The following IRAK1BP1 variants were observed in gnomAD, a reference collection of about 807,000 sequenced individuals.
IRAK1BP1 encodes interleukin-1 receptor-associated kinase 1-binding protein 1.
In IRAK1BP1, 24 loss-of-function variants were observed where a neutral mutation model predicts 28.0. That is an observed-to-expected ratio of 0.86 (90% CI 0.62 to 1.20). The LOEUF is 1.20. Ranked by LOEUF, IRAK1BP1 falls within the 50% of genes most tolerant of loss-of-function variation. IRAK1BP1 has a pLI of 0.00. For synonymous variants in IRAK1BP1, 131 were observed against 116.3 expected, an observed-to-expected ratio of 1.13 and a Z score of -0.81; for missense variants, 336 against 316.7, an observed-to-expected ratio of 1.06 and a Z score of -0.46.
chr6:78,911,221 G>C (rs1459826085), intron 4 of IRAK1BP1, among the ~76,000 whole-genome samples: 1 of 152,130 alleles, frequency 6.6e-6, no homozygotes, highest in East Asian at 1.9e-4. Flanking sequence ...GTCAAAATCA[G>C]GTCAGGGCAA....
chr6:78,963,255 G>T, the IRAK1BP1 span: 1 of 1,594,464 alleles, frequency 6.3e-7, no homozygotes, highest in South Asian at 1.2e-5. Context: ...AAATACAGCT[G>T]AAATAGAAAA....
the IRAK1BP1 span, chr6:78,965,808 G>C: frequency 3.3e-6 from 4 of 1,227,428 alleles, no homozygotes; most frequent in Non-Finnish European, 4.7e-6. Flanking sequence ...CTAAATTATT[G>C]TATCACAATT....
At chr6:78,869,063 T>A (rs1021147939) in intron 1 of IRAK1BP1, among the ~76,000 whole-genome samples, 37 of 152,198 alleles carry the variant, frequency 2.4e-4, no homozygotes, top group African/African-American at 8.0e-4. Flanking sequence ...ATTTTACAAT[T>A]TAGAAAAATA....
At chr6:78,876,894 A>G (rs977981382) in intron 1 of IRAK1BP1, among the ~76,000 whole-genome samples, 7 of 152,182 alleles carry the variant, frequency 4.6e-5, no homozygotes, top group Non-Finnish European at 7.3e-5. Context: ...TAGATAAACA[A>G]AAAATCTCAT....
intron 4 of IRAK1BP1, among the ~76,000 whole-genome samples, chr6:78,941,945 A>T (rs1330193291): frequency 1.3e-5 from 2 of 152,202 alleles, no homozygotes; most frequent in Non-Finnish European, 2.9e-5. Context: ...TCTGGAGATG[A>T]TGAATTACCT....
chr6:78,885,424 CT>C lies in IRAK1BP1; in HGVS notation c.364del (p.Tyr122IlefsTer28). ...VTKDFRRVEN[A>X]YHMEAEVCIT... is the part of the protein sequence containing the mutation. ...AAGGATTTTAGGAGAGTGGAAAATG[CT>C]TATCACATGGAAGCAGAGGTATGTA... is the stretch of plus-strand genomic sequence containing the variant. On this transcript the variant is annotated frameshift_variant, in exon 2 of 4. Coordinates refer to ENST00000369940, the MANE Select transcript of IRAK1BP1 (RefSeq NM_001010844.4). LOFTEE classifies it high-confidence loss of function. 1 of 1,561,040 alleles carries C rather than the reference CT, an allele frequency of 6.4e-7. No homozygotes were observed. The highest frequency in any genetic ancestry group is 8.7e-7 in the Non-Finnish European group (1 of 1,149,108).
intron 4 of IRAK1BP1, among the ~76,000 whole-genome samples, chr6:78,933,211 C>T (rs796845850): frequency 2.0e-5 from 3 of 152,300 alleles, no homozygotes; most frequent in Admixed American, 6.5e-5. Flanking sequence ...GTTTCATCTG[C>T]GTTGAAAATT....
At chr6:78,931,703 GA>G (rs1773049719) in intron 4 of IRAK1BP1, among the ~76,000 whole-genome samples, 2 of 152,166 alleles carry the variant, frequency 1.3e-5, no homozygotes, top group Non-Finnish European at 2.9e-5. Flanking sequence ...TTTATTGCTA[GA>G]AAATGCTAAT....
intron 1 of IRAK1BP1, chr6:78,871,806 G>C (rs7738062): frequency 0.099 from 36,928 of 372,284 alleles, 2,323 homozygotes; most frequent in African/African-American, 0.18. Flanking sequence ...TCTCTTGACA[G>C]TGGATAATTG....
chr6:78,962,519 A>G, the IRAK1BP1 span, among the ~76,000 whole-genome samples: 1 of 152,120 alleles, frequency 6.6e-6, no homozygotes, highest in Admixed American at 6.6e-5. Context: ...TACTCATGTT[A>G]ATTTCTCTCT....
intron 2 of IRAK1BP1, among the ~76,000 whole-genome samples, chr6:78,890,678 T>G (rs1215191457): frequency 6.6e-6 from 1 of 152,156 alleles, no homozygotes; most frequent in Non-Finnish European, 1.5e-5. Flanking sequence ...GAACAGCAAT[T>G]GGACCTCTCA....
intron 1 of IRAK1BP1, among the ~76,000 whole-genome samples, chr6:78,876,399 A>G (rs1408600153): frequency 6.6e-6 from 1 of 152,198 alleles, no homozygotes; most frequent in Admixed American, 6.5e-5. Flanking sequence ...TAATACACCC[A>G]TATTACTTAA....
chr6:78,951,454 A>C, the IRAK1BP1 span, among the ~76,000 whole-genome samples: 5 of 152,192 alleles, frequency 3.3e-5, no homozygotes, highest in Non-Finnish European at 7.4e-5. Context: ...TAAAAGATGA[A>C]ATATGAAGTG....
intron 2 of IRAK1BP1, among the ~76,000 whole-genome samples, chr6:78,896,701 G>A (rs956350656): frequency 4.0e-5 from 6 of 151,526 alleles, no homozygotes; most frequent in South Asian, 2.1e-4. Context: ...GGCACGTTCC[G>A]GTAGTCCCAG....
At chr6:78,955,991 TC>T in the IRAK1BP1 span, 1 of 186,112 alleles carries the variant, frequency 5.4e-6, no homozygotes, top group Non-Finnish European at 1.1e-5. Context: ...TTTCTTGTCT[TC>T]CAACTCTTTC....
chr6:78,919,931 T>C (rs1772674816), intron 4 of IRAK1BP1, among the ~76,000 whole-genome samples: 1 of 152,134 alleles, frequency 6.6e-6, no homozygotes, highest in Non-Finnish European at 1.5e-5. Flanking sequence ...CTCAACATAA[T>C]ACTAGCAAAC....
At chr6:78,931,851 A>G (rs920851233) in intron 4 of IRAK1BP1, among the ~76,000 whole-genome samples, 1 of 152,164 alleles carries the variant, frequency 6.6e-6, no homozygotes, top group East Asian at 1.9e-4. Context: ...AGTATGCTGC[A>G]TCCATTGGAC....
At chr6:78,903,364 G>A (rs1308539184), downstream of IRAK1BP1, among the ~76,000 whole-genome samples, 2 of 151,810 alleles carry the variant, frequency 1.3e-5, no homozygotes, top group South Asian at 2.1e-4. Context: ...GGTGGCACAC[G>A]CCTGTAATCC....
chr6:78,945,470 T>C (rs1310978318), exon 5 of IRAK1BP1: 2 of 1,609,430 alleles, frequency 1.2e-6, no homozygotes, highest in African/African-American at 2.7e-5. Context: ...ATTCAAAGCT[T>C]TGGAATGTTT....
Sources: gnomAD v4.1 joint callset for allele counts (sites outside exome capture counted in the v4.1 genomes callset) on GRCh38, gnomAD v4.1.1 for gene constraint, MANE v1.5 for transcripts, NCBI Gene and HGNC (gene_info 2026-07-23, HGNC 2026-07-21) for gene names.